IGSF23: variants seen among roughly 807,000 people sequenced by gnomAD.
The protein encoded by IGSF23 is immunoglobulin superfamily member 23.
A neutral mutation model predicts 17.8 loss-of-function variants in IGSF23; 14 were observed. That is an observed-to-expected ratio of 0.79 (90% CI 0.52 to 1.23). IGSF23 has a LOEUF of 1.23. Ranked by LOEUF, IGSF23 falls within the 50% of genes most tolerant of loss-of-function variation. The probability of loss-of-function intolerance (pLI) is 0.00; values close to 1 mark genes in which losing one functional copy is unlikely to be tolerated. For synonymous variants in IGSF23, 85 were observed against 92.5 expected (o/e 0.92, Z 0.46); for missense variants, 214 against 241.7 (o/e 0.89, Z 0.76).
At chr19:44,623,547 G>T (rs888569569) in intron 1 of IGSF23, among the ~76,000 whole-genome samples, 160 bp from the exon 2 acceptor site, 1 of 152,198 alleles carries the variant, frequency 6.6e-6, no homozygotes, top group Non-Finnish European at 1.5e-5. Flanking sequence ...TGGACTGGGG[G>T]CACTGGGCAC....
chr19:44,627,323 T>C (rs1317046637), intron 2 of IGSF23, 97 bp from the exon 3 acceptor site: 2 of 1,249,314 alleles, frequency 1.6e-6, no homozygotes, highest in African/African-American at 1.5e-5. Context: ...GAAGGATGGA[T>C]TGAAGAGACA....
chr19:44,618,877 C>T (rs1181330320), intron 1 of IGSF23, among the ~76,000 whole-genome samples: 1 of 152,040 alleles, frequency 6.6e-6, no homozygotes, highest in Admixed American at 6.6e-5. Context: ...AAAGGCCCCA[C>T]CTCTTAAGGA....
chr19:44,618,149 C>G (rs1251792243), intron 1 of IGSF23: 1 of 471,106 alleles, frequency 2.1e-6, no homozygotes. Flanking sequence ...ACACCTTGAC[C>G]GAAGGAGCCA....
intron 3 of IGSF23, among the ~76,000 whole-genome samples, chr19:44,631,711 C>T (rs1439730490): frequency 6.6e-6 from 1 of 152,168 alleles, no homozygotes; most frequent in Non-Finnish European, 1.5e-5. Flanking sequence ...TTATGGGAAG[C>T]AAAGGGATGG....
At chr19:44,622,749 T>C (rs1040741250) in intron 1 of IGSF23, among the ~76,000 whole-genome samples, 12 of 152,144 alleles carry the variant, frequency 7.9e-5, no homozygotes, top group Admixed American at 7.9e-4. Context: ...CTCTGACTTC[T>C]TCTCCCAGCC....
At chr19:44,623,583 T>G in intron 1 of IGSF23, 124 bp from the exon 2 acceptor site, 1 of 1,028,972 alleles carries the variant, frequency 9.7e-7, no homozygotes, top group Non-Finnish European at 1.4e-6. Context: ...AACACATTCA[T>G]GGGTGAATTA....
At chr19:44,624,951 C>T (rs1331065710) in intron 2 of IGSF23, among the ~76,000 whole-genome samples, 1 of 151,298 alleles carries the variant, frequency 6.6e-6, no homozygotes, top group Non-Finnish European at 1.5e-5. Context: ...ATGGTAATGC[C>T]ACCTGTAGTC....
Position 44,613,768 on chromosome 19 carries a change from G to T in IGSF23, c.123G>T (p.Leu41Phe), listed in dbSNP as rs1972303877. The T allele has an allele frequency of 1.3e-6, 2 of 1,550,476 alleles. No homozygotes were observed. Among genetic ancestry groups the T allele is most frequent in the Non-Finnish European group, 1.7e-6 (2 of 1,146,926 alleles). ...CTGGAGGTGACTTCCCAGCCAACTT[G>T]GTGTAAGTCATGTGGGGAAGTGGCC... ...DAAGGDFPAN[L>F]VLQLMPLKTF... Residue 41 changes from leucine to phenylalanine, a missense_variant and splice_region_variant, in exon 1 of 5, where the codon TTG becomes TTT. Coordinates refer to ENST00000402988, the MANE Select transcript of IGSF23 (RefSeq NM_001205280.2).
Position 44,623,752 on chromosome 19 carries a change from A to G in IGSF23, c.171A>G (p.Gly57=). 1 of 1,551,004 alleles carries G rather than the reference A, an allele frequency of 6.4e-7. No individual in the cohort carries two copies. The highest frequency in any genetic ancestry group is 2.0e-5 in the Admixed American group (1 of 50,988). The change falls in exon 2 of 5, where the codon GGA becomes GGG. Residue 57 remains glycine (G), a synonymous_variant. Transcript: ENST00000402988. ...AGACATTCCCAGCTGCTATCCGGGG[A>G]GTCATCCAGAGTGAGCTCAACTATT... ...PLKTFPAAIR[G]VIQSELNYSV...
At chr19:44,618,983 A>T (rs575228302) in intron 1 of IGSF23, among the ~76,000 whole-genome samples, 4 of 47,814 alleles carry the variant, frequency 8.4e-5, no homozygotes, top group Non-Finnish European at 1.5e-4. Flanking sequence ...TATTTATTTA[A>T]AAAAAAAAAA....
intron 3 of IGSF23, among the ~76,000 whole-genome samples, chr19:44,633,778 C>T (rs546039330): frequency 6.6e-6 from 1 of 152,270 alleles, no homozygotes; most frequent in South Asian, 2.1e-4. Context: ...ATTTGATTTA[C>T]CCAATAAGCT....
intron 1 of IGSF23, among the ~76,000 whole-genome samples, chr19:44,617,033 G>C (rs1972396711): frequency 6.6e-6 from 1 of 151,776 alleles, no homozygotes; most frequent in African/African-American, 2.4e-5. Flanking sequence ...TGAGTAGCTG[G>C]GACTACAGGC....
At chr19:44,624,525 T>G (rs1302124980) in intron 2 of IGSF23, among the ~76,000 whole-genome samples, 1 of 151,874 alleles carries the variant, frequency 6.6e-6, no homozygotes, top group Admixed American at 6.6e-5. Context: ...GCTCGAGTGA[T>G]CCACCCACCT....
At position 44,625,309 on chromosome 19, in the gene IGSF23, A is replaced by G. The variant is rs564752532; in HGVS notation, c.391+1337A>G. Among the ~76,000 whole-genome samples, 18 of 152,346 alleles carry G rather than the reference A, an allele frequency of 1.2e-4. 1 individual carries two copies. Among genetic ancestry groups the G allele is most frequent in the Non-Finnish European group, 2.1e-4 (14 of 68,032 alleles). On this transcript the variant is annotated intron_variant, in intron 2 of 4. Transcript: ENST00000402988. ...CACTATCGAACACTAATGAGTGCTC[A>G]ATAACCGTGAGCCAATAACACTGTT...
intron 3 of IGSF23, 94 bp from the exon 4 acceptor site, chr19:44,635,307 T>G: frequency 1.0e-6 from 1 of 989,698 alleles, no homozygotes; most frequent in Non-Finnish European, 1.5e-6. Flanking sequence ...GGACTACATA[T>G]TAATTTGGGG....
chr19:44,614,302 C>T (rs1281268135), intron 1 of IGSF23, among the ~76,000 whole-genome samples: 2 of 152,280 alleles, frequency 1.3e-5, no homozygotes, highest in East Asian at 1.9e-4. Flanking sequence ...AATGCCCTGT[C>T]TCACCCCTGC....
chr19:44,623,482 T>G (rs1260854803), intron 1 of IGSF23, among the ~76,000 whole-genome samples: 4 of 152,084 alleles, frequency 2.6e-5, no homozygotes, highest in African/African-American at 9.7e-5. Context: ...CCAGTGAAAG[T>G]CCTCAGGCAA....
At chr19:44,621,307 CTGTT>C (rs1972515793) in intron 1 of IGSF23, among the ~76,000 whole-genome samples, 1 of 142,878 alleles carries the variant, frequency 7.0e-6, no homozygotes, top group South Asian at 2.2e-4. Flanking sequence ...AAAAATAGCC[CTGTT>C]TGTTTCAAAG....
intron 3 of IGSF23, chr19:44,632,449 C>G (rs1374719882): frequency 6.4e-6 from 1 of 155,722 alleles, no homozygotes; most frequent in Non-Finnish European, 1.4e-5. Context: ...AGCTGGGTGG[C>G]TGTGTTCGAC....
Sources: allele counts gnomAD v4.1 joint callset (sites outside exome capture counted in the v4.1 genomes callset), GRCh38; gene constraint gnomAD v4.1.1; transcripts MANE v1.5; gene names NCBI Gene and HGNC (gene_info 2026-07-23, HGNC 2026-07-21).